The following COL11A1 variants were observed in gnomAD, a reference collection of about 807,000 sequenced individuals.
COL11A1 encodes the protein collagen alpha-1(XI) chain.
In COL11A1, 74 loss-of-function variants were observed where a neutral mutation model predicts 265.2. The ratio of observed to expected loss-of-function variants is 0.28; its 90% CI spans 0.23 to 0.34. The LOEUF (loss-of-function observed/expected upper bound fraction) is 0.34. Among genes scored for constraint, COL11A1 ranks in the 10% least tolerant of loss-of-function variants. The pLI, the probability that COL11A1 is intolerant of heterozygous loss-of-function variation, is 1.00. For synonymous variants in COL11A1, 816 were observed against 727.6 expected (o/e 1.12, Z -1.96); for missense variants, 2,165 against 2,263.6 (o/e 0.96, Z 0.88).
At chr1:103,039,738 A>G (rs1476003318) in intron 4 of COL11A1, among the ~76,000 whole-genome samples, 1 of 149,644 alleles carries the variant, frequency 6.7e-6, no homozygotes, top group East Asian at 1.9e-4. Context: ...ATCAGTTAAT[A>G]CTAGGGTTTT....
At chr1:103,091,092 C>T (rs1367916954) in intron 1 of COL11A1, among the ~76,000 whole-genome samples, 3 of 152,074 alleles carry the variant, frequency 2.0e-5, no homozygotes, top group Admixed American at 2.0e-4. Flanking sequence ...ACACTGATAT[C>T]ATTAGCATTT....
At chr1:103,030,192 C>T (rs1479049554) in intron 5 of COL11A1, among the ~76,000 whole-genome samples, 1 of 152,032 alleles carries the variant, frequency 6.6e-6, no homozygotes, top group Non-Finnish European at 1.5e-5. Flanking sequence ...TTTATCTTTA[C>T]ACTCTCATAT....
chr1:102,879,734 C>T lies in COL11A1; in HGVS notation c.5223G>A (p.Glu1741=). 1 of 1,613,924 alleles carries T rather than the reference C, an allele frequency of 6.2e-7. No homozygotes were observed. The highest frequency in any genetic ancestry group is 1.3e-5 in the African/African-American group (1 of 75,016). ...TAAAAGGATTATTGTCATAGGACAT[C>T]TCCTCATCATTTGATCCCAGGAAGC... The part of the protein sequence containing the change: ...ALRFLGSNDE[E]MSYDNNPFIK... The change falls in exon 66 of 67, where the codon GAG becomes GAA. Residue 1741 remains glutamate, a synonymous_variant. Coordinates refer to ENST00000370096, the MANE Select transcript of COL11A1 (RefSeq NM_001854.4).
At chr1:103,053,233 C>T (rs1669972095) in intron 4 of COL11A1, among the ~76,000 whole-genome samples, 1 of 152,144 alleles carries the variant, frequency 6.6e-6, no homozygotes. Flanking sequence ...GCTCAGAAAT[C>T]TAAATTTGCC....
chr1:102,901,614 C>A lies in COL11A1; in HGVS notation c.4087-2620G>T, dbSNP rs151147919. 1.1e-4 allele frequency among the ~76,000 whole-genome samples: 17 copies of A among 152,294 alleles called. No homozygotes were observed. In the East Asian group the frequency reaches 3.3e-3, roughly 29 times the overall value. On this transcript the variant is annotated intron_variant, in intron 54 of 66. Coordinates refer to ENST00000370096, the MANE Select transcript of COL11A1 (RefSeq NM_001854.4). ...AGGGGCAGAAACTTAATCTGGTGAG[C>A]TCTTGCTGCACTTTGATGAAGTAAT...
rs867506243 is a variant in COL11A1 at position 102,970,271 on chromosome 1, C to T, written c.2810G>A (p.Gly937Glu). 1 of 1,609,912 alleles carries T rather than the reference C, an allele frequency of 6.2e-7. No homozygotes were observed. Among genetic ancestry groups the T allele is most frequent in the African/African-American group, 1.3e-5 (1 of 74,744 alleles). ...TGGCAGCCCATCCTTCCCAGGTGGT[C>T]CCTGAAATTACAAATATTAAATACC... ...VGFPGPKGPP[G>E]PPGKDGLPGH... Residue 937 changes from glycine to glutamate, a missense_variant and splice_region_variant, in exon 37 of 67, where the codon GGA becomes GAA. Gly to Glu is a moderately conservative substitution (Grantham distance 98). Transcript: ENST00000370096.
In COL11A1 at chr1:102,939,108, CT is replaced by C; in HGVS notation, c.3385-21del. On this transcript the variant is annotated intron_variant, in intron 43 of 66. Transcript: ENST00000370096. Reference sequence around the variant, plus strand: ...TTCACCCTGAAATTGAAAGATTTGACTTAGAGTTTATCTCTAACATGCTATT... The same window carrying C: ...TTCACCCTGAAATTGAAAGATTTGACTAGAGTTTATCTCTAACATGCTATT... 1 of 1,610,794 alleles carries C rather than the reference CT, an allele frequency of 6.2e-7. No individual in the cohort carries two copies. Among genetic ancestry groups the C allele is most frequent in the Non-Finnish European group, 8.5e-7 (1 of 1,177,326 alleles).
intron 22 of COL11A1, 57 bp downstream of exon 22, chr1:103,002,690 T>C: frequency 6.9e-7 from 1 of 1,442,102 alleles, no homozygotes; most frequent in South Asian, 1.1e-5. Context: ...CAACAAAAAA[T>C]GGTTTCTTAG....
intron 64 of COL11A1, among the ~76,000 whole-genome samples, chr1:102,882,787 ATG>A (rs1488964720): frequency 6.6e-6 from 1 of 152,228 alleles, no homozygotes; most frequent in Non-Finnish European, 1.5e-5. Context: ...TTTAAAAAAT[ATG>A]TAAGTGCAGA....
chr1:103,009,321 G>A (rs1038643381), intron 14 of COL11A1, among the ~76,000 whole-genome samples: 1 of 152,166 alleles, frequency 6.6e-6, no homozygotes, highest in Non-Finnish European at 1.5e-5. Flanking sequence ...GGCTGAGACA[G>A]AAGAATTGCT....
intron 13 of COL11A1, among the ~76,000 whole-genome samples, chr1:103,013,096 A>G (rs1338984254): frequency 6.6e-6 from 1 of 152,158 alleles, no homozygotes; most frequent in African/African-American, 2.4e-5. Context: ...AGTACAAAAG[A>G]TAAAAATTTG....
At chr1:103,086,720 C>T (rs531917318) in intron 1 of COL11A1, among the ~76,000 whole-genome samples, 4 of 152,152 alleles carry the variant, frequency 2.6e-5, no homozygotes, top group East Asian at 1.9e-4. Flanking sequence ...CCGGCAACAA[C>T]GTATCTTTTA....
chr1:103,044,165 GT>G (rs367743704), intron 4 of COL11A1, among the ~76,000 whole-genome samples: 1,665 of 141,554 alleles, frequency 0.012, 12 homozygotes, highest in Non-Finnish European at 0.018. Flanking sequence ...ACTCTCACCA[GT>G]TTTTTTTTTT....
At chr1:103,103,333 T>C (rs902674807) in intron 1 of COL11A1, among the ~76,000 whole-genome samples, 6 of 151,974 alleles carry the variant, frequency 3.9e-5, no homozygotes. Context: ...AATAAATATA[T>C]AATTTTCTAA....
intron 4 of COL11A1, among the ~76,000 whole-genome samples, chr1:103,064,194 C>T (rs555882923): frequency 6.6e-6 from 1 of 152,230 alleles, no homozygotes; most frequent in South Asian, 2.1e-4. Context: ...AACAATCACA[C>T]TTCTTGGTAT....
intron 49 of COL11A1, among the ~76,000 whole-genome samples, chr1:102,919,256 G>A (rs1423753694): frequency 1.3e-5 from 2 of 151,906 alleles, no homozygotes; most frequent in Non-Finnish European, 2.9e-5. Context: ...TTTATCTAAT[G>A]AGTTAAAAAT....
intron 1 of COL11A1, 21 bp from the exon 2 acceptor site, chr1:103,082,993 A>C: frequency 1.2e-6 from 2 of 1,610,346 alleles, no homozygotes; most frequent in Non-Finnish European, 1.7e-6. Context: ...AGCAAACAAT[A>C]AAAAACCAGA....
chr1:103,016,284 T>A (rs1666566671), intron 11 of COL11A1, among the ~76,000 whole-genome samples: 1 of 152,048 alleles, frequency 6.6e-6, no homozygotes, highest in East Asian at 1.9e-4. Flanking sequence ...AATTTTAGCA[T>A]GTTAATGTTA....
At position 102,903,098 on chromosome 1, in the gene COL11A1, A is replaced by C. The variant is rs1403630804; in HGVS notation, c.4087-4104T>G. ...TCAGCTCTAGATTTTTTTTTCAGTAAAAGGACATGGAACTAGCTAAAATGA... is the reference window on the plus strand; with the variant it reads ...TCAGCTCTAGATTTTTTTTTCAGTACAAGGACATGGAACTAGCTAAAATGA... On this transcript the variant is annotated intron_variant, in intron 54 of 66. Coordinates refer to ENST00000370096, the MANE Select transcript of COL11A1 (RefSeq NM_001854.4). 2.6e-5 allele frequency among the ~76,000 whole-genome samples: 4 copies of C among 152,126 alleles called. No individual in the cohort carries two copies. In the South Asian group the frequency reaches 6.2e-4, roughly 24 times the overall value.
Sources: gnomAD v4.1 joint callset for allele counts (sites outside exome capture counted in the v4.1 genomes callset) on GRCh38, gnomAD v4.1.1 for gene constraint, MANE v1.5 for transcripts, NCBI Gene and HGNC (gene_info 2026-07-23, HGNC 2026-07-21) for gene names.